The following SFSWAP variants were observed in gnomAD, a reference collection of about 807,000 sequenced individuals.
The protein encoded by SFSWAP is splicing factor SWAP.
SFSWAP carries 17 observed loss-of-function variants against 100.7 expected under a neutral mutation model. That is an observed-to-expected ratio of 0.17 (90% CI 0.12 to 0.25). The LOEUF (loss-of-function observed/expected upper bound fraction) is 0.25, where lower values mean the gene tolerates loss of function less well. Among genes scored for constraint, SFSWAP ranks in the 10% least tolerant of loss-of-function variants. The pLI, the probability that SFSWAP is intolerant of heterozygous loss-of-function variation, is 1.00. For synonymous variants in SFSWAP, 504 were observed against 510.1 expected (o/e 0.99, Z 0.16); for missense variants, 1,005 against 1,262.6 (o/e 0.80, Z 3.09).
At chr12:131,743,322 A>G (rs1448161393) in intron 7 of SFSWAP, among the ~76,000 whole-genome samples, 1 of 152,232 alleles carries the variant, frequency 6.6e-6, no homozygotes, top group African/African-American at 2.4e-5. Context: ...ACCAGCCTAT[A>G]AAATCAAAAG....
intron 15 of SFSWAP, among the ~76,000 whole-genome samples, chr12:131,791,731 G>A (rs1453447723): frequency 1.3e-5 from 2 of 152,224 alleles, no homozygotes; most frequent in Non-Finnish European, 2.9e-5. Flanking sequence ...GACAGTGCAA[G>A]ACTCCGTCTC....
At chr12:131,790,462 A>G (rs1470611361) in intron 15 of SFSWAP, among the ~76,000 whole-genome samples, 1 of 152,216 alleles carries the variant, frequency 6.6e-6, no homozygotes, top group African/African-American at 2.4e-5. Context: ...CAGTGTGGAA[A>G]TATATAAAAC....
chr12:131,754,814 G>A (rs190531793), intron 9 of SFSWAP, among the ~76,000 whole-genome samples: 2 of 151,688 alleles, frequency 1.3e-5, no homozygotes, highest in South Asian at 2.1e-4. Context: ...TTGTATTTTG[G>A]TAGAGACAGG....
At chr12:131,723,869 C>A (rs1181775300) in intron 4 of SFSWAP, among the ~76,000 whole-genome samples, 1 of 152,236 alleles carries the variant, frequency 6.6e-6, no homozygotes, top group East Asian at 1.9e-4. Context: ...CAAAAGGCTT[C>A]CCCACTGGAT....
chr12:131,755,823 A>G (rs1042926414), intron 10 of SFSWAP, among the ~76,000 whole-genome samples: 4 of 152,214 alleles, frequency 2.6e-5, no homozygotes, highest in African/African-American at 9.6e-5. Context: ...TTGTGTTAAC[A>G]TGTATGAAAT....
chr12:131,785,224 T>C, intron 14 of SFSWAP: 1 of 1,533,332 alleles, frequency 6.5e-7, no homozygotes, highest in African/African-American at 1.4e-5. Flanking sequence ...TGGTAAAACG[T>C]CAAGGTGTCT....
intron 10 of SFSWAP, 67 bp downstream of exon 10, chr12:131,755,546 C>A (rs1330212709): frequency 2.6e-6 from 3 of 1,147,988 alleles, no homozygotes; most frequent in African/African-American, 1.5e-5. Context: ...GATCAGAAGT[C>A]GCTTTCTGTT....
At position 131,731,315 on chromosome 12, in the gene SFSWAP, C is replaced by CGCCT. The variant is rs545447990; in HGVS notation, c.1081+2887_1081+2888insGCCT. 1.9e-3 allele frequency among the ~76,000 whole-genome samples: 285 copies of CGCCT among 152,322 alleles called. 3 individuals carry two copies. Among genetic ancestry groups the CGCCT allele is most frequent in the African/African-American group, 6.4e-3 (264 of 41,570 alleles). ...GGTTCCAGGGCGCCTGACTCACACG[C>CGCCT]ACCTCCCTGCCTGCCGTCTTCCTCT... On this transcript the variant is annotated intron_variant, in intron 7 of 17. Transcript: ENST00000261674.
intron 10 of SFSWAP, among the ~76,000 whole-genome samples, chr12:131,756,002 T>G (rs933618526): frequency 1.3e-5 from 2 of 152,262 alleles, no homozygotes; most frequent in Non-Finnish European, 2.9e-5. Context: ...CTGCCTTTGC[T>G]CTGCTCTTCT....
chr12:131,765,334 G>T (rs1287208974), intron 12 of SFSWAP, among the ~76,000 whole-genome samples: 2 of 152,204 alleles, frequency 1.3e-5, no homozygotes, highest in Non-Finnish European at 2.9e-5. Flanking sequence ...CACACATTCA[G>T]ATCAAGCAAC....
At position 131,778,271 on chromosome 12, in the gene SFSWAP, A is replaced by T. The variant is rs2136256193; in HGVS notation, c.2349A>T (p.Arg783Ser). The T allele has an allele frequency of 6.2e-7, 1 of 1,614,216 alleles. No individual in the cohort carries two copies. Among genetic ancestry groups the T allele is most frequent in the Non-Finnish European group, 8.5e-7 (1 of 1,180,034 alleles). Residue 783 changes from arginine (R) to serine (S), a missense_variant, in exon 14 of 18, where the codon AGA becomes AGT. Arg to Ser is a moderately radical substitution (Grantham distance 110). Coordinates refer to ENST00000261674, the MANE Select transcript of SFSWAP (RefSeq NM_004592.4). The surrounding 1 kb of genome is among the most constrained non-coding windows in gnomAD (Gnocchi z 4.2). ...ATTCGTCATCCAAGTCCAGGTCTAG[A>T]TCACACTCAAAAGCAAAGCATTCTC... Reference protein sequence around the residue: ...KYHSSSKSRSRSHSKAKHSLP... With the variant: ...KYHSSSKSRSSSHSKAKHSLP...
rs565868258 is a variant in SFSWAP at position 131,769,261 on chromosome 12, C to T, written c.2142+2953C>T. On this transcript the variant is annotated intron_variant, in intron 13 of 17. Coordinates refer to ENST00000261674, the MANE Select transcript of SFSWAP (RefSeq NM_004592.4). Reference sequence around the variant, plus strand: ...GGAGAAGCACAGTATAAAATATATCCACTTCTGTGGTTACAGCCATGAAAA... The same window carrying T: ...GGAGAAGCACAGTATAAAATATATCTACTTCTGTGGTTACAGCCATGAAAA... 2.6e-5 allele frequency among the ~76,000 whole-genome samples: 4 copies of T among 152,208 alleles called. No individual in the cohort carries two copies. In the East Asian group the frequency reaches 7.7e-4, roughly 29 times the overall value.
intron 4 of SFSWAP, among the ~76,000 whole-genome samples, chr12:131,724,498 T>C (rs1878776251): frequency 6.6e-6 from 1 of 152,264 alleles, no homozygotes. Flanking sequence ...AATTAAGCCA[T>C]TTATATTTTA....
intron 14 of SFSWAP, among the ~76,000 whole-genome samples, chr12:131,780,206 C>T (rs1438500990): frequency 2.0e-5 from 3 of 152,206 alleles, no homozygotes; most frequent in Admixed American, 6.5e-5. Flanking sequence ...TACATTTTTG[C>T]GAGTGTTTTA....
intron 15 of SFSWAP, among the ~76,000 whole-genome samples, chr12:131,788,852 T>A (rs1885067555): frequency 6.6e-6 from 1 of 152,246 alleles, no homozygotes; most frequent in Non-Finnish European, 1.5e-5. Context: ...AGAGCGGGCG[T>A]CCACTTCCTT....
intron 7 of SFSWAP, among the ~76,000 whole-genome samples, chr12:131,750,762 C>T (rs1881546308): frequency 6.6e-6 from 1 of 152,214 alleles, no homozygotes; most frequent in Non-Finnish European, 1.5e-5. Flanking sequence ...GCCATCAACA[C>T]CTCACTGCAG....
chr12:131,774,208 A>G (rs970322144), intron 13 of SFSWAP, among the ~76,000 whole-genome samples: 7 of 152,178 alleles, frequency 4.6e-5, no homozygotes, highest in African/African-American at 1.4e-4. Flanking sequence ...GGCTGGGTGA[A>G]GGGATGGAGA....
At chr12:131,798,960 G>A in intron 16 of SFSWAP, 77 bp from the exon 17 acceptor site, 1 of 1,014,320 alleles carries the variant, frequency 9.9e-7, no homozygotes, top group East Asian at 2.4e-5. Context: ...GGGTTCGGAG[G>A]TGGGGATGCT....
intron 7 of SFSWAP, among the ~76,000 whole-genome samples, chr12:131,738,007 G>T (rs1452212615): frequency 6.6e-6 from 1 of 151,962 alleles, no homozygotes; most frequent in Non-Finnish European, 1.5e-5. Context: ...AAGTAATTAT[G>T]CAGGAGGCAG....
Sources: allele counts gnomAD v4.1 joint callset (sites outside exome capture counted in the v4.1 genomes callset), GRCh38; gene constraint gnomAD v4.1.1; non-coding constraint Gnocchi (gnomAD v3.1); transcripts MANE v1.5; gene names NCBI Gene and HGNC (gene_info 2026-07-23, HGNC 2026-07-21).